FBXO4: variants seen among roughly 807,000 people sequenced by gnomAD.
FBXO4 encodes the protein F-box protein 4, also known as F-box only protein 4.
A neutral mutation model predicts 43.7 loss-of-function variants in FBXO4; 36 were observed. The observed-to-expected ratio is 0.82, with a 90% CI of 0.63 to 1.09. FBXO4 has a LOEUF of 1.09. Ranked by LOEUF, FBXO4 falls within the 50% of genes least tolerant of loss-of-function variation. The pLI is 0.00. For missense variants in FBXO4, 435 were observed against 474.1 expected, an observed-to-expected ratio of 0.92 and a Z score of 0.77; for synonymous variants, 180 against 165.6, an observed-to-expected ratio of 1.09 and a Z score of -0.67.
chr5:41,966,296 T>A, the FBXO4 span, among the ~76,000 whole-genome samples: 42 of 151,534 alleles, frequency 2.8e-4, no homozygotes, highest in Admixed American at 6.6e-4. Context: ...TAAAGTATAA[T>A]AAAAAATAAA....
downstream of FBXO4, among the ~76,000 whole-genome samples, chr5:41,942,086 C>A (rs187432671): frequency 6.6e-6 from 1 of 152,018 alleles, no homozygotes; most frequent in Admixed American, 6.5e-5. Flanking sequence ...TATATAAGTT[C>A]CATATTTAAA....
rs781353577 is a variant in FBXO4 at position 41,929,730 on chromosome 5, T to C, written c.459T>C (p.Ala153=). Residue 153 remains alanine (A), a synonymous_variant, in exon 3 of 7, where the codon GCT becomes GCC. Coordinates refer to ENST00000281623, the MANE Select transcript of FBXO4 (RefSeq NM_012176.3). The stretch of plus-strand genomic sequence containing the variant: ...TGTGCTGTCCATACACAAGAAGAGC[T>C]TCAAAATCCAGCCGTCCTATGTATG... The part of the protein sequence containing the change: ...YRMCCPYTRR[A]SKSSRPMYGA... 2 of 1,612,928 alleles carry C rather than the reference T, an allele frequency of 1.2e-6. No homozygotes were observed. The highest frequency in any genetic ancestry group is 4.5e-5 in the East Asian group (2 of 44,880).
chr5:41,984,301 A>T, the FBXO4 span, among the ~76,000 whole-genome samples: 1 of 152,224 alleles, frequency 6.6e-6, no homozygotes, highest in Non-Finnish European at 1.5e-5. Context: ...AATGTTAGCT[A>T]GATGCAAAGT....
At chr5:41,989,410 A>G in the FBXO4 span, among the ~76,000 whole-genome samples, 1 of 152,180 alleles carries the variant, frequency 6.6e-6, no homozygotes, top group South Asian at 2.1e-4. Flanking sequence ...TTATTTTATG[A>G]TAAAAATAAT....
chr5:41,933,712 T>C (rs549327027), intron 3 of FBXO4, among the ~76,000 whole-genome samples: 1 of 152,328 alleles, frequency 6.6e-6, no homozygotes, highest in Non-Finnish European at 1.5e-5. Context: ...GATGATGATA[T>C]AAGGACTGTT....
chr5:41,968,785 G>A, the FBXO4 span, among the ~76,000 whole-genome samples: 3 of 151,826 alleles, frequency 2.0e-5, no homozygotes, highest in African/African-American at 7.3e-5. Flanking sequence ...TACCCTCTAT[G>A]TAAATTTTTT....
chr5:41,936,470 G>T (rs1246618140), intron 5 of FBXO4, among the ~76,000 whole-genome samples: 2 of 152,106 alleles, frequency 1.3e-5, no homozygotes, highest in Non-Finnish European at 2.9e-5. Flanking sequence ...GGAGGCAGAG[G>T]TTACGTGAGC....
At chr5:41,983,944 C>G in the FBXO4 span, among the ~76,000 whole-genome samples, 17 of 151,782 alleles carry the variant, frequency 1.1e-4, no homozygotes, top group African/African-American at 3.9e-4. Context: ...ATTATTTGGC[C>G]ACACTTTATT....
downstream of FBXO4, among the ~76,000 whole-genome samples, chr5:41,943,915 G>A (rs1463964206): frequency 6.6e-6 from 1 of 152,158 alleles, no homozygotes; most frequent in Admixed American, 6.6e-5. Context: ...CACAAGGGAT[G>A]TTTATAGACA....
chr5:41,945,010 C>G (rs1579990956), downstream of FBXO4, among the ~76,000 whole-genome samples: 1 of 152,164 alleles, frequency 6.6e-6, no homozygotes, highest in East Asian at 1.9e-4. Context: ...CAAGTTGTGT[C>G]AAGAGCCTTA....
chr5:41,948,516 A>G, the FBXO4 span, among the ~76,000 whole-genome samples: 1 of 152,162 alleles, frequency 6.6e-6, no homozygotes, highest in African/African-American at 2.4e-5. Context: ...ATCTTTTAAT[A>G]TTATACTACT....
the FBXO4 span, chr5:41,968,016 C>T: frequency 9.5e-6 from 4 of 421,674 alleles, no homozygotes; most frequent in South Asian, 7.7e-5. Context: ...CCACCTGCTC[C>T]TCCACCTCCT....
At chr5:41,968,777 C>T in the FBXO4 span, among the ~76,000 whole-genome samples, 745 of 151,776 alleles carry the variant, frequency 4.9e-3, 7 homozygotes, top group African/African-American at 0.017. Flanking sequence ...AAAGTTATTA[C>T]CCTCTATGTA....
chr5:41,956,288 C>T, the FBXO4 span, among the ~76,000 whole-genome samples: 2 of 152,150 alleles, frequency 1.3e-5, no homozygotes, highest in Non-Finnish European at 2.9e-5. Context: ...AATTGGGCTT[C>T]TGGACATATA....
At chr5:42,011,576 G>A in the FBXO4 span, among the ~76,000 whole-genome samples, 4 of 152,092 alleles carry the variant, frequency 2.6e-5, no homozygotes, top group South Asian at 2.1e-4. Context: ...TGGCTCTTAC[G>A]GATATTTTAT....
At chr5:42,003,882 C>A in the FBXO4 span, among the ~76,000 whole-genome samples, 4 of 152,008 alleles carry the variant, frequency 2.6e-5, no homozygotes, top group African/African-American at 7.3e-5. Flanking sequence ...TGGGTATATA[C>A]CCAAAGAATT....
chr5:42,009,364 A>AGT, the FBXO4 span, among the ~76,000 whole-genome samples: 6 of 127,980 alleles, frequency 4.7e-5, no homozygotes, highest in East Asian at 2.5e-4. Flanking sequence ...TGGGAATTGG[A>AGT]GTGTGTGTGT....
the FBXO4 span, among the ~76,000 whole-genome samples, chr5:41,984,647 G>A: frequency 6.6e-6 from 1 of 152,078 alleles, no homozygotes; most frequent in East Asian, 1.9e-4. Context: ...TCCTCATTTG[G>A]CCAGGAGTGT....
At chr5:42,034,027 T>C in the FBXO4 span, among the ~76,000 whole-genome samples, 3 of 152,340 alleles carry the variant, frequency 2.0e-5, no homozygotes, top group Non-Finnish European at 2.9e-5. Context: ...TCAGCATCTA[T>C]TGTTTTTGAC....
Sources: gnomAD v4.1 joint callset for allele counts (sites outside exome capture counted in the v4.1 genomes callset) on GRCh38, gnomAD v4.1.1 for gene constraint, MANE v1.5 for transcripts, NCBI Gene and HGNC (gene_info 2026-07-23, HGNC 2026-07-21) for gene names.